Variants in FITM1 observed in about 807,000 individuals in gnomAD.
FITM1 encodes fat storage inducing transmembrane protein 1, also known as fat storage-inducing transmembrane protein 1.
In FITM1, 11 loss-of-function variants were observed where a neutral mutation model predicts 22.2. That is an observed-to-expected ratio of 0.50 (90% CI 0.31 to 0.82). FITM1 has a LOEUF of 0.82. Among genes scored for constraint, FITM1 ranks in the 40% least tolerant of loss-of-function variants. FITM1 has a pLI of 0.04. For synonymous variants in FITM1, 164 were observed against 174.0 expected (o/e 0.94, Z 0.45); for missense variants, 394 against 386.4 (o/e 1.02, Z -0.17).
chr14:24,131,810 CACGGCA>C lies in FITM1; in HGVS notation c.250_255del (p.Gly84_Asn85del). 1 of 1,592,976 alleles carries C rather than the reference CACGGCA, an allele frequency of 6.3e-7. No individual in the cohort carries two copies. The highest frequency in any genetic ancestry group is 8.6e-7 in the Non-Finnish European group (1 of 1,167,376). On this transcript the variant is annotated inframe_deletion, in exon 1 of 2. Coordinates refer to ENST00000267426, the MANE Select transcript of FITM1 (RefSeq NM_203402.3). ...CAACCCTCGGACTATCTTCGCCAGC[CACGGCA>C]ACTTCTTCAACATGTGAGTCCACTC... is the stretch of plus-strand genomic sequence containing the variant.
chr14:24,132,666 TC>T lies in FITM1; in HGVS notation c.723del (p.Tyr242IlefsTer?). The T allele has an allele frequency of 6.2e-7, 1 of 1,613,946 alleles. No individual in the cohort carries two copies. The highest frequency in any genetic ancestry group is 2.2e-5 in the East Asian group (1 of 44,884). On this transcript the variant is annotated frameshift_variant, in exon 2 of 2. Transcript: ENST00000267426. LOFTEE classifies it high-confidence loss of function. Reference sequence around the variant, plus strand: ...AACTTCTTGCTGCTCTGTACCGTCATCTATTTCCACCAGTACACTCACAAGG... The same window carrying T: ...AACTTCTTGCTGCTCTGTACCGTCATTATTTCCACCAGTACACTCACAAGG... ...LWNFLLLCTV[I>X]YFHQYTHKVV...
rs1246137523 is a variant in FITM1, at chr14:24,131,592, G to C, written c.29G>C (p.Gly10Ala). Residue 10 changes from glycine to alanine, a missense_variant, in exon 1 of 2, where the codon GGA becomes GCA. Gly to Ala is a moderately conservative substitution (Grantham distance 60, BLOSUM62 0). Coordinates refer to ENST00000267426, the MANE Select transcript of FITM1 (RefSeq NM_203402.3). The part of the protein sequence containing the change: MERGPVVGA[G>A]LGAGARIQAL... ...GAGCGGGGGCCGGTGGTGGGGGCAG[G>C]ACTGGGGGCCGGGGCCCGAATCCAG... is the stretch of plus-strand genomic sequence containing the variant. The C allele has an allele frequency of 6.6e-7, 1 of 1,514,642 alleles. No homozygotes were observed. Among genetic ancestry groups the C allele is most frequent in the South Asian group, 1.1e-5 (1 of 88,208 alleles). The allele number at this position is 1,514,642 out of a possible 1,614,324, so 93.8% of individuals were successfully genotyped here. A position where few individuals can be genotyped will look rare whatever the true frequency, so the allele number is the denominator to read the frequency against.
At chr14:24,131,955 G>A (rs538518789) in intron 1 of FITM1, 126 bp downstream of exon 1, 19 of 1,396,544 alleles carry the variant, frequency 1.4e-5, no homozygotes, top group South Asian at 4.4e-5. Context: ...GGAAAAGGTC[G>A]GGGGAGGGGG....
At position 24,131,508 on chromosome 14, in the gene FITM1, T is replaced by G. The variant is rs1347835580; in HGVS notation, c.-56T>G. On this transcript the variant is annotated 5_prime_UTR_variant, in exon 1 of 2. Transcript: ENST00000267426. ...CTATCCTTGTCCAGGGGGGGCCCCA[T>G]CAGCCCCTCCTCAGCTGCCCAGCAA... 2 of 1,514,496 alleles carry G rather than the reference T, an allele frequency of 1.3e-6. No individual in the cohort carries two copies. The highest frequency in any genetic ancestry group is 1.8e-6 in the Non-Finnish European group (2 of 1,121,248). 93.8% of individuals were successfully genotyped at this position (1,514,496 alleles called of 1,614,324 possible).
At chr14:24,132,072 T>C (rs574143966) in intron 1 of FITM1, 139 bp from the exon 2 acceptor site, 555 of 1,310,822 alleles carry the variant, frequency 4.2e-4, no homozygotes, top group Admixed American at 3.8e-3. Flanking sequence ...AAAGGTTAAA[T>C]GACTGGGGGC....
At position 24,131,436 on chromosome 14, in the gene FITM1, C is replaced by T. The variant is rs1333623170; in HGVS notation, c.-128C>T. 1.1e-5 allele frequency: 11 copies of T among 963,822 alleles called. No individual in the cohort carries two copies. In the East Asian group the frequency reaches 2.1e-4, roughly 18 times the overall value. 59.7% of individuals were successfully genotyped at this position (963,822 alleles called of 1,614,324 possible). On this transcript the variant is annotated 5_prime_UTR_variant, in exon 1 of 2. It introduces an in-frame stop codon into an upstream open reading frame of the 5' UTR. Transcript: ENST00000267426. ...CCCCCCGCCCCTCTCCCCCACCTGCCAGCTGCCAACAGGGCTCTGCCTTGT... is the reference window on the plus strand; with the variant it reads ...CCCCCCGCCCCTCTCCCCCACCTGCTAGCTGCCAACAGGGCTCTGCCTTGT...
chr14:24,132,108 CG>C (rs1436880146), intron 1 of FITM1, 102 bp from the exon 2 acceptor site: 1 of 1,485,198 alleles, frequency 6.7e-7, no homozygotes, highest in Non-Finnish European at 9.1e-7. Context: ...AAGGAGAGAA[CG>C]AGTGATGATG....
At position 24,132,361 on chromosome 14, in the gene FITM1, C is replaced by A. The variant is rs2037829029; in HGVS notation, c.417C>A (p.Gly139=). Residue 139 remains glycine (G), a synonymous_variant, in exon 2 of 2, where the codon GGC becomes GGA. Coordinates refer to ENST00000267426, the MANE Select transcript of FITM1 (RefSeq NM_203402.3). The part of the protein sequence containing the change: ...VVGAAVWRGA[G]RAFLLIEDLT... ...GGGCAGCCGTGTGGCGGGGAGCCGG[C>A]CGGGCCTTCCTGCTCATCGAGGACC... is the stretch of plus-strand genomic sequence containing the variant. 1 of 1,613,686 alleles carries A rather than the reference C, an allele frequency of 6.2e-7. No individual in the cohort carries two copies. Among genetic ancestry groups the A allele is most frequent in the Non-Finnish European group, 8.5e-7 (1 of 1,179,998 alleles).
rs550722084 is a variant in FITM1 at position 24,130,679 on chromosome 14, C to T, written c.-885C>T. 2.0e-5 allele frequency among the ~76,000 whole-genome samples: 3 copies of T among 152,326 alleles called. No individual in the cohort carries two copies. Among genetic ancestry groups the T allele is most frequent in the South Asian group, 2.1e-4 (1 of 4,822 alleles). On this transcript the variant is annotated 5_prime_UTR_variant, in exon 1 of 2. Transcript: ENST00000267426. Reference sequence around the variant, plus strand: ...AGGTAGCTGACTGCCCTGCTGTCGCCGCCTCAGCAGTCAGACTGGGAGGGC... The same window carrying T: ...AGGTAGCTGACTGCCCTGCTGTCGCTGCCTCAGCAGTCAGACTGGGAGGGC...
Position 24,132,658 on chromosome 14 carries a change from T to G in FITM1, c.714T>G (p.Cys238Trp). The G allele has an allele frequency of 6.2e-7, 1 of 1,613,874 alleles. No homozygotes were observed. Among genetic ancestry groups the G allele is most frequent in the South Asian group, 1.1e-5 (1 of 91,092 alleles). ...LLGLWNFLLL[C>W]TVIYFHQYTH... The stretch of plus-strand genomic sequence containing the variant: ...GCCTCTGGAACTTCTTGCTGCTCTG[T>G]ACCGTCATCTATTTCCACCAGTACA... The change falls in exon 2 of 2, where the codon TGT becomes TGG. Residue 238 changes from cysteine (C) to tryptophan (W), a missense_variant. Physicochemically the swap from Cys to Trp is radical, Grantham distance 215. Transcript: ENST00000267426.
At chr14:24,131,912 A>G in intron 1 of FITM1, 83 bp downstream of exon 1, 1 of 1,495,718 alleles carries the variant, frequency 6.7e-7, no homozygotes, top group South Asian at 1.4e-5. Context: ...TCCTCCTGCC[A>G]GTCTGAACAC....
Position 24,131,169 on chromosome 14 carries a change from A to G in FITM1, c.-395A>G. On this transcript the variant is annotated 5_prime_UTR_variant, in exon 1 of 2. It removes an upstream start codon present in the reference 5' UTR. Transcript: ENST00000267426. Reference sequence around the variant, plus strand: ...TCAAGGTTTGGTTATTTTTATCTCCATGACCTCTGATTTCCCTGTGGAGCA... The same window carrying G: ...TCAAGGTTTGGTTATTTTTATCTCCGTGACCTCTGATTTCCCTGTGGAGCA... 1.9e-6 allele frequency: 1 copy of G among 538,642 alleles called. No homozygotes were observed. The highest frequency in any genetic ancestry group is 3.3e-6 in the Non-Finnish European group (1 of 304,282). The allele number at this position is 538,642 out of a possible 1,614,324, so 33.4% of individuals were successfully genotyped here. A position where few individuals can be genotyped will look rare whatever the true frequency, so the allele number is the denominator to read the frequency against.
chr14:24,130,677 G>A lies in FITM1; in HGVS notation c.-887G>A, dbSNP rs530964436. Among the ~76,000 whole-genome samples the A allele has an allele frequency of 6.6e-5, 10 of 152,298 alleles. No homozygotes were observed. The highest frequency in any genetic ancestry group is 1.2e-4 in the Non-Finnish European group (8 of 68,022). The stretch of plus-strand genomic sequence containing the variant: ...ATAGGTAGCTGACTGCCCTGCTGTC[G>A]CCGCCTCAGCAGTCAGACTGGGAGG... On this transcript the variant is annotated 5_prime_UTR_variant, in exon 1 of 2. Coordinates refer to ENST00000267426, the MANE Select transcript of FITM1 (RefSeq NM_203402.3).
intron 1 of FITM1, 28 bp downstream of exon 1, chr14:24,131,857 G>T: frequency 6.5e-7 from 1 of 1,548,456 alleles, no homozygotes; most frequent in South Asian, 1.2e-5. Context: ...TGTGGGAGCC[G>T]GGTCCCTGCA....
rs142734942 is a variant in FITM1 at position 24,131,954 on chromosome 14, C to T, written c.266+125C>T. The T allele has an allele frequency of 3.0e-5, 42 of 1,399,774 alleles. No homozygotes were observed. The African/African-American group carries it at 3.5e-4, about 12-fold the overall frequency. The allele number at this position is 1,399,774 out of a possible 1,614,324, so 86.7% of individuals were successfully genotyped here. ...TAGGCTAGGAGGTTGAGGAAAAGGT[C>T]GGGGGAGGGGGAAGGGAACAGAGCC... is the stretch of plus-strand genomic sequence containing the variant. On this transcript the variant is annotated intron_variant, in intron 1 of 1. Transcript: ENST00000267426.
In FITM1 at chr14:24,132,571, C is replaced by G. The variant is rs1304623559; in HGVS notation, c.627C>G (p.Ala209=). ...CAGCTGTGTTCGCCAAGTACCTGGC[C>G]CATGGGCTTCCTGCCGGCGCCCCAC... ...EEAAVFAKYL[A]HGLPAGAPLR... Residue 209 remains alanine, a synonymous_variant, in exon 2 of 2, where the codon GCC becomes GCG. Transcript: ENST00000267426. 6.2e-7 allele frequency: 1 copy of G among 1,608,502 alleles called. No individual in the cohort carries two copies. Among genetic ancestry groups the G allele is most frequent in the African/African-American group, 1.3e-5 (1 of 75,076 alleles).
Position 24,132,203 on chromosome 14 carries a change from G to A in FITM1, c.267-8G>A. The A allele has an allele frequency of 6.2e-7, 1 of 1,607,936 alleles. No homozygotes were observed. Among genetic ancestry groups the A allele is most frequent in the Non-Finnish European group, 8.5e-7 (1 of 1,178,346 alleles). On this transcript the variant is annotated splice_region_variant and splice_polypyrimidine_tract_variant and intron_variant, in intron 1 of 1. Transcript: ENST00000267426. ...GGGGTCTCAATAGTCTCCCTTCTTT[G>A]CCCACAGAAAATTTGTGAATTCAGC...
At position 24,130,966 on chromosome 14, in the gene FITM1, T is replaced by C. The variant is rs1198556414; in HGVS notation, c.-598T>C. Among the ~76,000 whole-genome samples the C allele has an allele frequency of 6.6e-6, 1 of 152,074 alleles. No homozygotes were observed. The highest frequency in any genetic ancestry group is 1.5e-5 in the Non-Finnish European group (1 of 68,034). ...CTAGGGCAGAGCCAAGCTGCTGGGGTCACAGGGCACTGAAGTGGATACCCA... is the reference window on the plus strand; with the variant it reads ...CTAGGGCAGAGCCAAGCTGCTGGGGCCACAGGGCACTGAAGTGGATACCCA... On this transcript the variant is annotated 5_prime_UTR_variant, in exon 1 of 2. Coordinates refer to ENST00000267426, the MANE Select transcript of FITM1 (RefSeq NM_203402.3).
chr14:24,131,809 C>T lies in FITM1; in HGVS notation c.246C>T (p.Ser82=), dbSNP rs1427888212. 5 of 1,593,412 alleles carry T rather than the reference C, an allele frequency of 3.1e-6. No homozygotes were observed. Among genetic ancestry groups the T allele is most frequent in the Admixed American group, 3.4e-5 (2 of 58,576 alleles). ...TCAACCCTCGGACTATCTTCGCCAG[C>T]CACGGCAACTTCTTCAACATGTGAG... The part of the protein sequence containing the change: ...FHVNPRTIFA[S]HGNFFNIKFV... Residue 82 remains serine, a synonymous_variant, in exon 1 of 2, where the codon AGC becomes AGT. Coordinates refer to ENST00000267426, the MANE Select transcript of FITM1 (RefSeq NM_203402.3).
Sources: allele counts gnomAD v4.1 joint callset (sites outside exome capture counted in the v4.1 genomes callset), GRCh38; gene constraint gnomAD v4.1.1; transcripts MANE v1.5; gene names NCBI Gene and HGNC (gene_info 2026-07-23, HGNC 2026-07-21).